The following LRP1B variants were observed in gnomAD, a reference collection of about 807,000 sequenced individuals.
LRP1B encodes the protein low-density lipoprotein receptor-related protein 1B.
LRP1B carries 217 observed loss-of-function variants against 556.6 expected under a neutral mutation model. The observed-to-expected ratio is 0.39, with a 90% CI of 0.35 to 0.44. The LOEUF (loss-of-function observed/expected upper bound fraction) is 0.44, where lower values mean the gene tolerates loss of function less well. Among genes scored for constraint, LRP1B ranks in the 20% least tolerant of loss-of-function variants. The probability of loss-of-function intolerance (pLI) is 1.00; values close to 1 mark genes in which losing one functional copy is unlikely to be tolerated. For missense variants in LRP1B, 5,053 were observed against 5,620.8 expected, an observed-to-expected ratio of 0.90 and a Z score of 3.23; for synonymous variants, 2,047 against 1,865.8, an observed-to-expected ratio of 1.10 and a Z score of -2.50.
intron 1 of LRP1B, among the ~76,000 whole-genome samples, chr2:142,093,119 C>T (rs1395943842): frequency 6.6e-6 from 1 of 152,058 alleles, no homozygotes; most frequent in Non-Finnish European, 1.5e-5. Context: ...CCCAAAGTGA[C>T]GATTGCTTTG....
intron 33 of LRP1B, among the ~76,000 whole-genome samples, chr2:140,773,286 GA>G (rs1246755228): frequency 2.0e-5 from 3 of 152,112 alleles, no homozygotes; most frequent in Non-Finnish European, 4.4e-5. Context: ...CCAACATGGT[GA>G]AACCCCGTCT....
intron 1 of LRP1B, among the ~76,000 whole-genome samples, chr2:142,015,940 C>T (rs1418508122): frequency 3.0e-5 from 4 of 131,768 alleles, no homozygotes; most frequent in Admixed American, 8.9e-5. Flanking sequence ...TGCAGTGAGC[C>T]GAGATCGTGC....
chr2:142,122,841 C>T (rs1707505309), intron 1 of LRP1B, among the ~76,000 whole-genome samples: 1 of 152,006 alleles, frequency 6.6e-6, no homozygotes, highest in Non-Finnish European at 1.5e-5. Context: ...ACTTGCTATT[C>T]TAACATTTTT....
intron 62 of LRP1B, 79 bp downstream of exon 62, chr2:140,456,376 A>G: frequency 7.4e-7 from 1 of 1,358,490 alleles, no homozygotes; most frequent in Non-Finnish European, 1.0e-6. Flanking sequence ...GTATGGAATG[A>G]TCATTCAATG....
At chr2:140,722,148 TCAAAATTATGAC>T (rs1026794455) in intron 35 of LRP1B, among the ~76,000 whole-genome samples, 3 of 152,198 alleles carry the variant, frequency 2.0e-5, no homozygotes, top group Non-Finnish European at 2.9e-5. Context: ...GTTCTTTCAT[TCAAAATTATGAC>T]CATTAGATTC....
Position 141,957,390 on chromosome 2 carries a change from G to T in LRP1B, c.83-146989C>A, listed in dbSNP as rs961760976. Among the ~76,000 whole-genome samples, 155 of 125,852 alleles carry T rather than the reference G, an allele frequency of 1.2e-3. 3 individuals carry two copies. The highest frequency in any genetic ancestry group is 2.2e-3 in the Non-Finnish European group (129 of 59,680). The allele number at this position is 125,852 out of a possible 152,430, so 82.6% of individuals were successfully genotyped here. A position where few individuals can be genotyped will look rare whatever the true frequency, so the allele number is the denominator to read the frequency against. Reference sequence around the variant, plus strand: ...GGTTCGTGTTTGTGTGTGTGGGGGGGGGGGGGCGGGGGGGTGTACACTCCC... The same window carrying T: ...GGTTCGTGTTTGTGTGTGTGGGGGGTGGGGGGCGGGGGGGTGTACACTCCC... On this transcript the variant is annotated intron_variant, in intron 1 of 90. Transcript: ENST00000389484.
chr2:140,358,250 G>T, intron 73 of LRP1B, 134 bp from the exon 74 acceptor site: 1 of 754,574 alleles, frequency 1.3e-6, no homozygotes, highest in Non-Finnish European at 2.0e-6. Context: ...AGCTCTCAAG[G>T]CCAAATTTTT....
In LRP1B at chr2:141,019,871, A is replaced by C. The variant is rs779918648; in HGVS notation, c.1970+51T>G. 10 of 1,318,750 alleles carry C rather than the reference A, an allele frequency of 7.6e-6. No individual in the cohort carries two copies. The East Asian group carries it at 9.9e-5, about 13-fold the overall frequency. The allele number at this position is 1,318,750 out of a possible 1,614,324, so 81.7% of individuals were successfully genotyped here. A position where few individuals can be genotyped will look rare whatever the true frequency, so the allele number is the denominator to read the frequency against. On this transcript the variant is annotated intron_variant, in intron 12 of 90. Coordinates refer to ENST00000389484, the MANE Select transcript of LRP1B (RefSeq NM_018557.3). Reference sequence around the variant, plus strand: ...ACTATTATTAACTATGTAAGAAACAAATTTATCTATTATCATTTTTCTTAT... The same window carrying C: ...ACTATTATTAACTATGTAAGAAACACATTTATCTATTATCATTTTTCTTAT...
At chr2:141,106,776 C>T (rs1700612993) in intron 7 of LRP1B, among the ~76,000 whole-genome samples, 1 of 152,202 alleles carries the variant, frequency 6.6e-6, no homozygotes, top group Non-Finnish European at 1.5e-5. Context: ...AGCGTTCTCT[C>T]TTTCCAATAA....
At chr2:142,090,047 A>C (rs981235308) in intron 1 of LRP1B, among the ~76,000 whole-genome samples, 8 of 152,294 alleles carry the variant, frequency 5.3e-5, no homozygotes, top group African/African-American at 1.4e-4. Flanking sequence ...ATCTATGTGG[A>C]TAATGATAAA....
intron 7 of LRP1B, among the ~76,000 whole-genome samples, chr2:141,171,044 A>G (rs570453516): frequency 1.3e-5 from 2 of 152,002 alleles, no homozygotes; most frequent in Admixed American, 6.6e-5. Flanking sequence ...TGGCAGTTTT[A>G]TGTTTATGGG....
chr2:140,748,301 C>CATATATTATATTCATATATA (rs1559093863), intron 35 of LRP1B, among the ~76,000 whole-genome samples: 2 of 110,924 alleles, frequency 1.8e-5, no homozygotes, highest in African/African-American at 3.5e-5. Flanking sequence ...TATATATATT[C>CATATATTATATTCATATATA]ATATATTATA....
chr2:140,393,256 T>C (rs1684104034), intron 66 of LRP1B, among the ~76,000 whole-genome samples: 1 of 152,086 alleles, frequency 6.6e-6, no homozygotes, highest in Non-Finnish European at 1.5e-5. Context: ...GTTGTGTATA[T>C]ATGTAATTTT....
rs1286489519 is a variant in LRP1B at position 141,521,297 on chromosome 2, G to A, written c.206-40764C>T. ...AATTATCAATATCAGCAACAATCAT[G>A]GAAACTTTTTATCCACATTTTCAAG... On this transcript the variant is annotated intron_variant, in intron 2 of 90. Coordinates refer to ENST00000389484, the MANE Select transcript of LRP1B (RefSeq NM_018557.3). 3.9e-5 allele frequency among the ~76,000 whole-genome samples: 6 copies of A among 152,066 alleles called. No homozygotes were observed. In the South Asian group the frequency reaches 1.2e-3, roughly 32 times the overall value.
chr2:141,117,002 C>T (rs1700921192), intron 7 of LRP1B, among the ~76,000 whole-genome samples: 1 of 151,998 alleles, frequency 6.6e-6, no homozygotes, highest in Admixed American at 6.6e-5. Context: ...GTTTACATCT[C>T]TCAGTTTTAT....
At chr2:140,473,651 C>A (rs992445652) in intron 60 of LRP1B, among the ~76,000 whole-genome samples, 1 of 151,708 alleles carries the variant, frequency 6.6e-6, no homozygotes, top group Non-Finnish European at 1.5e-5. Flanking sequence ...AAATGAAAGG[C>A]AAATATTTAA....
chr2:141,447,427 C>T (rs993015630), intron 3 of LRP1B, among the ~76,000 whole-genome samples: 6 of 152,020 alleles, frequency 3.9e-5, no homozygotes, highest in African/African-American at 1.4e-4. Flanking sequence ...ATTTGTCAAA[C>T]TCATTCTCCA....
intron 57 of LRP1B, among the ~76,000 whole-genome samples, chr2:140,488,856 ATC>A (rs1688586349): frequency 2.0e-5 from 3 of 152,056 alleles, no homozygotes; most frequent in Non-Finnish European, 4.4e-5. Context: ...AGAGACAAGC[ATC>A]TTCAGAGAGG....
At chr2:141,011,724 G>A (rs1353136578) in intron 14 of LRP1B, among the ~76,000 whole-genome samples, 2 of 151,942 alleles carry the variant, frequency 1.3e-5, no homozygotes, top group East Asian at 3.9e-4. Context: ...TTATTTTAAT[G>A]TCCCTTCAAT....
Sources: gnomAD v4.1 joint callset for allele counts (sites outside exome capture counted in the v4.1 genomes callset) on GRCh38, gnomAD v4.1.1 for gene constraint, MANE v1.5 for transcripts, NCBI Gene and HGNC (gene_info 2026-07-23, HGNC 2026-07-21) for gene names.